Variants in CAMK2D observed in about 807,000 individuals in gnomAD.
The protein encoded by CAMK2D is calcium/calmodulin-dependent protein kinase type II subunit delta.
In CAMK2D, 37 loss-of-function variants were observed where a neutral mutation model predicts 84.0. The observed-to-expected ratio is 0.44, with a 90% confidence interval of 0.34 to 0.58. CAMK2D has a LOEUF of 0.58. CAMK2D is among the 20% of genes least tolerant of loss of function. CAMK2D has a pLI of 0.02. For missense variants in CAMK2D, 448 were observed against 652.5 expected (o/e 0.69, Z 3.41); for synonymous variants, 202 against 212.5 (o/e 0.95, Z 0.43).
intron 12 of CAMK2D, among the ~76,000 whole-genome samples, chr4:113,511,169 T>C (rs562938746): frequency 1.3e-5 from 2 of 152,240 alleles, no homozygotes; most frequent in East Asian, 3.9e-4. Flanking sequence ...TTTATAACCA[T>C]ATACTTATGG....
chr4:113,577,415 C>T lies in CAMK2D; in HGVS notation c.276-25319G>A, dbSNP rs945399320. Reference sequence around the variant, plus strand: ...TACCCTTATGTTGAATTAGCTTTAGCTCTGTTCCATAGACATTAGATTCTC... The same window carrying T: ...TACCCTTATGTTGAATTAGCTTTAGTTCTGTTCCATAGACATTAGATTCTC... On this transcript the variant is annotated intron_variant, in intron 4 of 20. Coordinates refer to ENST00000511664, the MANE Select transcript of CAMK2D (RefSeq NM_001321571.2). Among the ~76,000 whole-genome samples, 15 of 152,124 alleles carry T rather than the reference C, an allele frequency of 9.9e-5. 2 individuals are homozygous for T. In the South Asian group the frequency reaches 1.7e-3, roughly 17 times the overall value.
intron 2 of CAMK2D, among the ~76,000 whole-genome samples, chr4:113,691,038 T>C (rs984261910): frequency 1.3e-5 from 2 of 152,194 alleles, no homozygotes; most frequent in Non-Finnish European, 2.9e-5. Context: ...AGATTCACAA[T>C]TGTCTTGGGA....
At chr4:113,503,316 A>C (rs1186246091) in intron 14 of CAMK2D, 1 of 555,854 alleles carries the variant, frequency 1.8e-6, no homozygotes, top group Non-Finnish European at 3.5e-6. Context: ...GTGGCCTGTG[A>C]ACGTCTGTCC....
At chr4:113,694,923 A>C (rs1264908510) in intron 2 of CAMK2D, among the ~76,000 whole-genome samples, 4 of 152,158 alleles carry the variant, frequency 2.6e-5, no homozygotes, top group Non-Finnish European at 5.9e-5. Flanking sequence ...AGTGTTCTTT[A>C]AGTGTTTATA....
At chr4:113,644,607 C>T (rs1449155348) in intron 3 of CAMK2D, among the ~76,000 whole-genome samples, 2 of 152,028 alleles carry the variant, frequency 1.3e-5, no homozygotes, top group Admixed American at 6.6e-5. Flanking sequence ...AAGACTGAAA[C>T]AAAACCAAGC....
chr4:113,676,945 T>C (rs1033735537), intron 2 of CAMK2D, among the ~76,000 whole-genome samples: 3 of 152,240 alleles, frequency 2.0e-5, no homozygotes, highest in Non-Finnish European at 2.9e-5. Flanking sequence ...TCAATTCCTG[T>C]GCTTTTCTCC....
intron 4 of CAMK2D, among the ~76,000 whole-genome samples, chr4:113,576,724 T>A (rs2154235216): frequency 6.6e-6 from 1 of 152,258 alleles, no homozygotes; most frequent in East Asian, 1.9e-4. Context: ...AAATTTTTTT[T>A]AAAAGAGAAT....
chr4:113,551,310 T>A (rs1447247736), intron 5 of CAMK2D, among the ~76,000 whole-genome samples: 1 of 152,204 alleles, frequency 6.6e-6, no homozygotes, highest in Non-Finnish European at 1.5e-5. Flanking sequence ...TTTAAACTTT[T>A]GTAAAGATTT....
intron 2 of CAMK2D, among the ~76,000 whole-genome samples, chr4:113,699,162 G>A (rs1285404523): frequency 1.3e-5 from 2 of 152,084 alleles, no homozygotes; most frequent in Non-Finnish European, 2.9e-5. Context: ...CCTGAACAGA[G>A]TACAGAAGAG....
intron 8 of CAMK2D, among the ~76,000 whole-genome samples, chr4:113,521,828 A>T (rs2098364041): frequency 6.6e-6 from 1 of 152,196 alleles, no homozygotes; most frequent in South Asian, 2.1e-4. Flanking sequence ...AATTTGGTTA[A>T]GATAATATTG....
At chr4:113,474,955 A>T (rs1158559134) in intron 16 of CAMK2D, among the ~76,000 whole-genome samples, 1 of 152,146 alleles carries the variant, frequency 6.6e-6, no homozygotes, top group Non-Finnish European at 1.5e-5. Context: ...CGGAGAGTTA[A>T]TTTCAAAGTG....
intron 4 of CAMK2D, among the ~76,000 whole-genome samples, chr4:113,571,567 T>C (rs541510641): frequency 2.0e-5 from 3 of 152,142 alleles, no homozygotes; most frequent in South Asian, 2.1e-4. Context: ...TAACTTATAA[T>C]GTGCAGTTTA....
intron 2 of CAMK2D, among the ~76,000 whole-genome samples, 151 bp from the exon 3 acceptor site, chr4:113,661,923 AATAGCAC>A (rs1178304108): frequency 2.0e-5 from 3 of 152,276 alleles, no homozygotes. Flanking sequence ...GAATTAAGTG[AATAGCAC>A]ATAGTTCAAC....
At chr4:113,512,465 GA>G (rs2098227489) in intron 12 of CAMK2D, among the ~76,000 whole-genome samples, 2 of 152,154 alleles carry the variant, frequency 1.3e-5, no homozygotes, top group Non-Finnish European at 1.5e-5. Flanking sequence ...GTAAATTCTT[GA>G]GTTAGATACC....
chr4:113,577,191 C>T lies in CAMK2D; in HGVS notation c.276-25095G>A, dbSNP rs143863383. 1.2e-4 allele frequency among the ~76,000 whole-genome samples: 18 copies of T among 152,200 alleles called. 1 individual carries two copies. The East Asian group carries it at 2.7e-3, about 23-fold the overall frequency. On this transcript the variant is annotated intron_variant, in intron 4 of 20. Transcript: ENST00000511664. ...TAGATAGCATCTTGCTGCCTGGATG[C>T]GTAAAGAATTCTTTCCATAATCTTA... is the stretch of plus-strand genomic sequence containing the variant.
At chr4:113,594,980 A>G (rs2098917429) in intron 4 of CAMK2D, among the ~76,000 whole-genome samples, 1 of 152,164 alleles carries the variant, frequency 6.6e-6, no homozygotes, top group Non-Finnish European at 1.5e-5. Flanking sequence ...CTCAGAGAAC[A>G]CAAGGTATGA....
chr4:113,577,134 C>T (rs1005798463), intron 4 of CAMK2D, among the ~76,000 whole-genome samples: 1 of 152,114 alleles, frequency 6.6e-6, no homozygotes, highest in Non-Finnish European at 1.5e-5. Flanking sequence ...TTGGTTTTCA[C>T]ATTTGAGAAT....
At chr4:113,627,396 G>A (rs1561455977) in intron 3 of CAMK2D, among the ~76,000 whole-genome samples, 1 of 152,120 alleles carries the variant, frequency 6.6e-6, no homozygotes, top group African/African-American at 2.4e-5. Flanking sequence ...CTAAACCACT[G>A]TTCCTGGGGG....
chr4:113,604,253 G>A (rs2098968130), intron 4 of CAMK2D, among the ~76,000 whole-genome samples: 1 of 151,996 alleles, frequency 6.6e-6, no homozygotes, highest in African/African-American at 2.4e-5. Flanking sequence ...ATATCTTTAA[G>A]ATATCAATGT....
Sources: gnomAD v4.1 joint callset for allele counts (sites outside exome capture counted in the v4.1 genomes callset) on GRCh38, gnomAD v4.1.1 for gene constraint, MANE v1.5 for transcripts, NCBI Gene and HGNC (gene_info 2026-07-23, HGNC 2026-07-21) for gene names.